SDCCAG8: variants seen among roughly 807,000 people sequenced by gnomAD.
SDCCAG8 encodes the protein SHH signaling and ciliogenesis regulator SDCCAG8.
A neutral mutation model predicts 101.8 loss-of-function variants in SDCCAG8; 74 were observed. The observed-to-expected ratio is 0.73, with a 90% CI of 0.60 to 0.88. The LOEUF (loss-of-function observed/expected upper bound fraction) is 0.88. SDCCAG8 is among the 40% of genes least tolerant of loss of function. The pLI is 0.00. For missense variants in SDCCAG8, 787 were observed against 822.6 expected, an observed-to-expected ratio of 0.96 and a Z score of 0.53; for synonymous variants, 281 against 292.9, an observed-to-expected ratio of 0.96 and a Z score of 0.41.
intron 13 of SDCCAG8, among the ~76,000 whole-genome samples, chr1:243,384,590 C>CCACA (rs113914411): frequency 0.21 from 31,606 of 149,110 alleles, 4,524 homozygotes; most frequent in African/African-American, 0.41. Context: ...TGTTTAAAAA[C>CCACA]CACACACACA....
intron 13 of SDCCAG8, among the ~76,000 whole-genome samples, chr1:243,414,777 AAGTC>A (rs1435221665): frequency 6.6e-6 from 1 of 152,140 alleles, no homozygotes; most frequent in Admixed American, 6.6e-5. Context: ...AGAAATAACT[AAGTC>A]AGTTAATTGA....
intron 16 of SDCCAG8, among the ~76,000 whole-genome samples, chr1:243,429,695 A>ATTTTTTTTTT (rs796450909): frequency 2.2e-5 from 2 of 92,938 alleles, no homozygotes; most frequent in Non-Finnish European, 4.0e-5. Flanking sequence ...TGCTCTGCTA[A>ATTTTTTTTTT]TTTTTTTTTT....
chr1:243,467,879 T>C (rs1660450752), intron 16 of SDCCAG8, among the ~76,000 whole-genome samples: 1 of 152,236 alleles, frequency 6.6e-6, no homozygotes, highest in East Asian at 1.9e-4. Flanking sequence ...TGAGTGTATG[T>C]CAACATACAT....
intron 7 of SDCCAG8, among the ~76,000 whole-genome samples, chr1:243,307,161 C>G (rs1415501080): frequency 6.6e-6 from 1 of 150,390 alleles, no homozygotes; most frequent in Non-Finnish European, 1.5e-5. Flanking sequence ...TAGGAAAATA[C>G]AACCCATGTA....
At chr1:243,333,964 T>A (rs1243634351) in intron 10 of SDCCAG8, among the ~76,000 whole-genome samples, 1 of 152,178 alleles carries the variant, frequency 6.6e-6, no homozygotes, top group East Asian at 1.9e-4. Flanking sequence ...AGCTATTTGA[T>A]TTCTAGATCC....
chr1:243,477,090 T>A (rs1662593797), intron 16 of SDCCAG8, among the ~76,000 whole-genome samples: 2 of 151,564 alleles, frequency 1.3e-5, no homozygotes, highest in South Asian at 4.2e-4. Context: ...TTACAGTAGG[T>A]GAATTTGAAT....
Position 243,297,926 on chromosome 1 carries a change from A to G in SDCCAG8, c.675+4707A>G, listed in dbSNP as rs145166356. ...AGTTTGCTTGCTTGCTTTGATGGCT[A>G]GAACTTCAGTTTGTTTTCCTTAATT... is the stretch of plus-strand genomic sequence containing the variant. On this transcript the variant is annotated intron_variant, in intron 6 of 17. Coordinates refer to ENST00000366541, the MANE Select transcript of SDCCAG8 (RefSeq NM_006642.5). Among the ~76,000 whole-genome samples the G allele has an allele frequency of 7.3e-3, 1,116 of 152,188 alleles. 11 individuals carry two copies. The highest frequency in any genetic ancestry group is 0.026 in the African/African-American group (1,073 of 41,508).
At chr1:243,269,717 C>T (rs2067930799) in intron 1 of SDCCAG8, among the ~76,000 whole-genome samples, 1 of 152,136 alleles carries the variant, frequency 6.6e-6, no homozygotes, top group Admixed American at 6.5e-5. Context: ...CTCCCCACTG[C>T]TCCTTTCGTC....
At chr1:243,340,860 A>G (rs1408620751) in intron 10 of SDCCAG8, among the ~76,000 whole-genome samples, 179 bp from the exon 11 acceptor site, 5 of 152,244 alleles carry the variant, frequency 3.3e-5, no homozygotes, top group African/African-American at 4.8e-5. Flanking sequence ...AGAGAAGTAC[A>G]TATTTCAGTT....
At chr1:243,318,518 A>G in intron 9 of SDCCAG8, 1 of 984,144 alleles carries the variant, frequency 1.0e-6, no homozygotes, top group Non-Finnish European at 1.2e-6. Context: ...AAAGTTAAAA[A>G]AAAATTAGGG....
In SDCCAG8 at chr1:243,496,518, A is replaced by T. The variant is rs561398386; in HGVS notation, c.2113-3238A>T. Among the ~76,000 whole-genome samples, 9 of 152,310 alleles carry T rather than the reference A, an allele frequency of 5.9e-5. No homozygotes were observed. The South Asian group carries it at 1.2e-3, about 21-fold the overall frequency. On this transcript the variant is annotated intron_variant, in intron 17 of 17. Transcript: ENST00000366541. ...CACGTTTTGACTTGGCCAAACAGAG[A>T]CAGCGTGCCAGTGAGCAGAGCGGAC... is the stretch of plus-strand genomic sequence containing the variant.
chr1:243,497,650 G>A (rs1305794217), intron 17 of SDCCAG8, among the ~76,000 whole-genome samples: 1 of 152,130 alleles, frequency 6.6e-6, no homozygotes, highest in African/African-American at 2.4e-5. Flanking sequence ...CCTGTTTCCT[G>A]GAGCTTATCA....
intron 15 of SDCCAG8, among the ~76,000 whole-genome samples, chr1:243,418,402 T>C (rs1225117294): frequency 2.0e-5 from 3 of 152,188 alleles, no homozygotes; most frequent in Non-Finnish European, 4.4e-5. Flanking sequence ...TACATAGGTA[T>C]GGTTAACACA....
At chr1:243,287,262 T>C (rs1228129013) in intron 5 of SDCCAG8, among the ~76,000 whole-genome samples, 1 of 152,222 alleles carries the variant, frequency 6.6e-6, no homozygotes, top group African/African-American at 2.4e-5. Context: ...AATTCAACTT[T>C]CCATGTGGAA....
chr1:243,264,431 A>G (rs1263752955), intron 1 of SDCCAG8, among the ~76,000 whole-genome samples: 1 of 152,132 alleles, frequency 6.6e-6, no homozygotes, highest in African/African-American at 2.4e-5. Context: ...CCTGACCAAC[A>G]TGGAGAAACC....
At chr1:243,452,330 C>A (rs984849244) in intron 16 of SDCCAG8, among the ~76,000 whole-genome samples, 2 of 151,828 alleles carry the variant, frequency 1.3e-5, no homozygotes, top group Non-Finnish European at 2.9e-5. Context: ...CCCCTAGTAA[C>A]CCTTGCAAAC....
chr1:243,373,022 G>A (rs770471028), intron 12 of SDCCAG8, among the ~76,000 whole-genome samples: 12 of 150,966 alleles, frequency 7.9e-5, no homozygotes, highest in Non-Finnish European at 1.8e-4. Context: ...AGATGGAATA[G>A]GAAATGTCAG....
chr1:243,422,077 T>G (rs2081048324), intron 15 of SDCCAG8, among the ~76,000 whole-genome samples: 1 of 152,190 alleles, frequency 6.6e-6, no homozygotes, highest in Non-Finnish European at 1.5e-5. Flanking sequence ...GGTTTTAGCT[T>G]CCACCTCTTG....
chr1:243,372,008 A>G (rs1256036888), intron 12 of SDCCAG8, among the ~76,000 whole-genome samples: 1 of 152,128 alleles, frequency 6.6e-6, no homozygotes, highest in Non-Finnish European at 1.5e-5. Flanking sequence ...AATCAATCTT[A>G]ACATCTATAA....
Sources: gnomAD v4.1 joint callset for allele counts (sites outside exome capture counted in the v4.1 genomes callset) on GRCh38, gnomAD v4.1.1 for gene constraint, MANE v1.5 for transcripts, NCBI Gene and HGNC (gene_info 2026-07-23, HGNC 2026-07-21) for gene names.